The following RNGTT variants were observed in gnomAD, a reference collection of about 807,000 sequenced individuals.
RNGTT encodes mRNA-capping enzyme.
RNGTT carries 33 observed loss-of-function variants against 79.3 expected under a neutral mutation model. The observed-to-expected ratio is 0.42, with a 90% CI of 0.32 to 0.56. RNGTT has a LOEUF of 0.56. RNGTT is among the 20% of genes least tolerant of loss of function. The probability of loss-of-function intolerance (pLI) is 0.17; values close to 1 mark genes in which losing one functional copy is unlikely to be tolerated. For missense variants in RNGTT, 497 were observed against 739.1 expected (o/e 0.67, Z 3.80); for synonymous variants, 222 against 235.9 (o/e 0.94, Z 0.54).
intron 8 of RNGTT, among the ~76,000 whole-genome samples, chr6:88,888,249 T>C (rs1477835049): frequency 1.3e-5 from 2 of 152,132 alleles, no homozygotes; most frequent in Admixed American, 6.5e-5. Flanking sequence ...AGCCTAGAGA[T>C]AGACACCTTG....
intron 13 of RNGTT, among the ~76,000 whole-genome samples, chr6:88,707,852 G>A (rs758710087): frequency 1.3e-5 from 2 of 151,308 alleles, no homozygotes; most frequent in African/African-American, 2.4e-5. Flanking sequence ...GCATTCACAC[G>A]ATCTCTAAAG....
chr6:88,806,318 CTTTTT>C (rs896456612), intron 11 of RNGTT, among the ~76,000 whole-genome samples: 1 of 135,606 alleles, frequency 7.4e-6, no homozygotes, highest in Admixed American at 7.4e-5. Flanking sequence ...AAGGAACACG[CTTTTT>C]TTTTTTTTTT....
chr6:88,777,624 T>C (rs188427328), intron 12 of RNGTT, among the ~76,000 whole-genome samples: 23 of 152,350 alleles, frequency 1.5e-4, no homozygotes, highest in Admixed American at 7.2e-4. Flanking sequence ...TCGATTGGTG[T>C]AAAGAAATGT....
chr6:88,796,852 T>C (rs575087194), intron 12 of RNGTT, among the ~76,000 whole-genome samples: 3 of 152,142 alleles, frequency 2.0e-5, no homozygotes, highest in Non-Finnish European at 4.4e-5. Flanking sequence ...CTATCAGTTA[T>C]AACTTACGAG....
chr6:88,870,467 C>T (rs968424124), intron 8 of RNGTT, among the ~76,000 whole-genome samples: 3 of 150,050 alleles, frequency 2.0e-5, no homozygotes, highest in African/African-American at 7.4e-5. Context: ...ATTCCAACAT[C>T]ATGTTTTTCT....
At chr6:88,909,404 A>G (rs1783762094) in intron 4 of RNGTT, among the ~76,000 whole-genome samples, 1 of 152,158 alleles carries the variant, frequency 6.6e-6, no homozygotes, top group Non-Finnish European at 1.5e-5. Context: ...CTGAGGATCT[A>G]CCACCCTTGC....
chr6:88,751,030 T>C (rs902562567), intron 13 of RNGTT, among the ~76,000 whole-genome samples: 1 of 152,182 alleles, frequency 6.6e-6, no homozygotes, highest in Admixed American at 6.5e-5. Flanking sequence ...ACAATGTGGT[T>C]TGCACATAGA....
intron 14 of RNGTT, among the ~76,000 whole-genome samples, chr6:88,637,632 T>C (rs1446776025): frequency 6.6e-6 from 1 of 152,026 alleles, no homozygotes; most frequent in Non-Finnish European, 1.5e-5. Context: ...TGGTTTTAGT[T>C]ATTTGCTTGC....
At chr6:88,896,558 G>C (rs935124421) in intron 6 of RNGTT, among the ~76,000 whole-genome samples, 5 of 152,182 alleles carry the variant, frequency 3.3e-5, no homozygotes, top group African/African-American at 1.2e-4. Context: ...CAAAAGCAGA[G>C]ATGCGATATT....
intron 13 of RNGTT, among the ~76,000 whole-genome samples, chr6:88,690,476 G>A (rs115970545): frequency 6.6e-6 from 1 of 151,992 alleles, no homozygotes; most frequent in Non-Finnish European, 1.5e-5. Flanking sequence ...GGAGACCAAG[G>A]TGGGAGGATC....
chr6:88,731,909 A>G (rs1455750188), intron 13 of RNGTT, among the ~76,000 whole-genome samples: 1 of 152,188 alleles, frequency 6.6e-6, no homozygotes. Context: ...ATATTCTTAA[A>G]ATAAAGTAGG....
chr6:88,715,776 A>G (rs1356081181), intron 13 of RNGTT, among the ~76,000 whole-genome samples: 1 of 152,208 alleles, frequency 6.6e-6, no homozygotes, highest in Non-Finnish European at 1.5e-5. Context: ...TAAAAAGCTG[A>G]AACTGGATCC....
intron 13 of RNGTT, among the ~76,000 whole-genome samples, chr6:88,721,766 T>C (rs1776717610): frequency 6.6e-6 from 1 of 152,098 alleles, no homozygotes; most frequent in Non-Finnish European, 1.5e-5. Context: ...TCCACTGCCT[T>C]TAAATATTCT....
intron 13 of RNGTT, among the ~76,000 whole-genome samples, chr6:88,687,352 T>C (rs1339956123): frequency 1.3e-5 from 2 of 152,318 alleles, no homozygotes; most frequent in Non-Finnish European, 2.9e-5. Flanking sequence ...CAAACTAGTA[T>C]AACCCGTCTG....
intron 14 of RNGTT, among the ~76,000 whole-genome samples, chr6:88,649,052 T>A (rs977585601): frequency 7.2e-5 from 11 of 152,184 alleles, no homozygotes; most frequent in Admixed American, 1.3e-4. Flanking sequence ...CATCATTTTG[T>A]TAAAATGTGG....
intron 13 of RNGTT, among the ~76,000 whole-genome samples, chr6:88,693,889 CA>C (rs1158617840): frequency 3.3e-5 from 5 of 152,216 alleles, no homozygotes; most frequent in African/African-American, 9.6e-5. Context: ...AAGAATCTGA[CA>C]AAATTCAACA....
chr6:88,945,914 T>TTTCCAA (rs1784993335), intron 1 of RNGTT, among the ~76,000 whole-genome samples: 1 of 152,228 alleles, frequency 6.6e-6, no homozygotes, highest in Non-Finnish European at 1.5e-5. Flanking sequence ...GGAAAGACTC[T>TTTCCAA]AGCGAGTTGC....
chr6:88,739,968 A>G (rs1392974220), intron 13 of RNGTT, among the ~76,000 whole-genome samples: 1 of 151,898 alleles, frequency 6.6e-6, no homozygotes, highest in Non-Finnish European at 1.5e-5. Flanking sequence ...TCTTAGAGGA[A>G]TCAATAAAAT....
rs1776708485 is a variant in RNGTT, at chr6:88,721,448, C to CT, written c.1440-43030dup. 2.0e-5 allele frequency among the ~76,000 whole-genome samples: 3 copies of CT among 151,898 alleles called. No homozygotes were observed. In the South Asian group the frequency reaches 6.2e-4, roughly 32 times the overall value. On this transcript the variant is annotated intron_variant, in intron 13 of 15. Coordinates refer to ENST00000369485, the MANE Select transcript of RNGTT (RefSeq NM_003800.5). ...GTTTTTGGTCTTCCAAATTCATCCTCTTTTTTTATATATAGTAACATTTTT... is the reference window on the plus strand; with the variant it reads ...GTTTTTGGTCTTCCAAATTCATCCTCTTTTTTTTATATATAGTAACATTTTT...
Sources: allele counts gnomAD v4.1 joint callset (sites outside exome capture counted in the v4.1 genomes callset), GRCh38; gene constraint gnomAD v4.1.1; transcripts MANE v1.5; gene names NCBI Gene and HGNC (gene_info 2026-07-23, HGNC 2026-07-21).